AVPR1B: variants seen among roughly 807,000 people sequenced by gnomAD.
AVPR1B encodes vasopressin V1b receptor.
A neutral mutation model predicts 27.5 loss-of-function variants in AVPR1B; 25 were observed. The ratio of observed to expected loss-of-function variants is 0.91; its 90% CI spans 0.66 to 1.27. The LOEUF (loss-of-function observed/expected upper bound fraction) is 1.27, where lower values mean the gene tolerates loss of function less well. Among genes scored for constraint, AVPR1B ranks in the 50% most tolerant of loss-of-function variants. The pLI, the probability that AVPR1B is intolerant of heterozygous loss-of-function variation, is 0.00. For missense variants in AVPR1B, 595 were observed against 556.9 expected, an observed-to-expected ratio of 1.07 and a Z score of -0.69; for synonymous variants, 248 against 240.2, an observed-to-expected ratio of 1.03 and a Z score of -0.30.
chr1:206,111,020 A>G (rs889991406), intron 1 of AVPR1B, among the ~76,000 whole-genome samples: 4 of 152,138 alleles, frequency 2.6e-5, no homozygotes, highest in African/African-American at 9.7e-5. Context: ...GTCTCCTTCT[A>G]TCCCTCAGGG....
At chr1:206,110,962 T>G (rs1405994944) in intron 1 of AVPR1B, among the ~76,000 whole-genome samples, 2 of 152,140 alleles carry the variant, frequency 1.3e-5, no homozygotes, top group Non-Finnish European at 2.9e-5. Flanking sequence ...CCCATCTCCA[T>G]CCCCACTTAC....
At position 206,116,820 on chromosome 1, in the gene AVPR1B, G is replaced by A. The variant is rs782234550; in HGVS notation, c.71C>T (p.Thr24Ile). ...RGTLSAPNAT[T>I]PWLGRDEELA... ...CTCCTCATCCCGGCCCAGCCAGGGT[G>A]TTGTGGCATTGGGGGCAGAGAGGGT... The change falls in exon 1 of 2, where the codon ACA (threonine) becomes ATA (isoleucine). Residue 24 changes from threonine (T) to isoleucine (I), a missense_variant. By Grantham distance (89) the Thr-to-Ile change is moderately conservative. Coordinates refer to ENST00000367126, the MANE Select transcript of AVPR1B (RefSeq NM_000707.5). 6.2e-7 allele frequency: 1 copy of A among 1,614,082 alleles called. No homozygotes were observed.
chr1:206,111,165 C>T (rs782367484), intron 1 of AVPR1B, among the ~76,000 whole-genome samples: 1 of 152,196 alleles, frequency 6.6e-6, no homozygotes, highest in Admixed American at 6.5e-5. Context: ...TTGCCCCCTA[C>T]AGCCAAGGGG....
chr1:206,110,429 C>T lies in AVPR1B; in HGVS notation c.1035G>A (p.Leu345=), dbSNP rs1553289651. 6.2e-7 allele frequency: 1 copy of T among 1,613,956 alleles called. No individual in the cohort carries two copies. The highest frequency in any genetic ancestry group is 2.2e-5 in the East Asian group (1 of 44,876). ...CAAGGTGACGCAGGGGCCGCGGTAACAGGTGGCTGTTGAAGCCCATGTAGA... is the reference window on the plus strand; with the variant it reads ...CAAGGTGACGCAGGGGCCGCGGTAATAGGTGGCTGTTGAAGCCCATGTAGA... ...PWIYMGFNSH[L]LPRPLRHLAC... Residue 345 remains leucine, a synonymous_variant, in exon 2 of 2, where the codon CTG becomes CTA. Coordinates refer to ENST00000367126, the MANE Select transcript of AVPR1B (RefSeq NM_000707.5).
At position 206,117,074 on chromosome 1, in the gene AVPR1B, T is replaced by C. The variant is rs1285969188; in HGVS notation, c.-184A>G. ...CTGGGATAGAGAGGAGGAGGGAGGA[T>C]GAGATTCGGAAGGAGAAAATGTGAC... is the stretch of plus-strand genomic sequence containing the variant. On this transcript the variant is annotated 5_prime_UTR_variant, in exon 1 of 2. Coordinates refer to ENST00000367126, the MANE Select transcript of AVPR1B (RefSeq NM_000707.5). 1.5e-6 allele frequency: 1 copy of C among 659,604 alleles called. No homozygotes were observed. The highest frequency in any genetic ancestry group is 2.7e-6 in the Non-Finnish European group (1 of 374,954). 40.9% of individuals were successfully genotyped at this position (659,604 alleles called of 1,614,324 possible).
At position 206,110,421 on chromosome 1, in the gene AVPR1B, C is replaced by T. The variant is rs149082642; in HGVS notation, c.1043G>A (p.Arg348Gln). The change falls in exon 2 of 2, where the codon CGG becomes CAG. Residue 348 changes from arginine to glutamine, a missense_variant. Transcript: ENST00000367126. ...YMGFNSHLLP[R>Q]PLRHLACCGG... Reference sequence around the variant, plus strand: ...ACAGCAGGCAAGGTGACGCAGGGGCCGCGGTAACAGGTGGCTGTTGAAGCC... The same window carrying T: ...ACAGCAGGCAAGGTGACGCAGGGGCTGCGGTAACAGGTGGCTGTTGAAGCC... 95 of 1,613,742 alleles carry T rather than the reference C, an allele frequency of 5.9e-5. No individual in the cohort carries two copies. The highest frequency in any genetic ancestry group is 7.8e-5 in the Non-Finnish European group (92 of 1,179,912).
rs1200213737 is a variant in AVPR1B at position 206,110,450 on chromosome 1, G to C, written c.1014C>G (p.Tyr338Ter). 2.1e-5 allele frequency: 34 copies of C among 1,613,968 alleles called. No individual in the cohort carries two copies. The highest frequency in any genetic ancestry group is 2.7e-5 in the African/African-American group (2 of 74,940). The change falls in exon 2 of 2, where the codon TAC (tyrosine) becomes TAG (stop). Residue 338 changes from tyrosine to a stop codon, truncating the protein, a stop_gained. Coordinates refer to ENST00000367126, the MANE Select transcript of AVPR1B (RefSeq NM_000707.5). LOFTEE classifies it high-confidence loss of function. ...GTAACAGGTGGCTGTTGAAGCCCATGTAGATCCAGGGGTTGCAGCAGCTGT... is the reference window on the plus strand; with the variant it reads ...GTAACAGGTGGCTGTTGAAGCCCATCTAGATCCAGGGGTTGCAGCAGCTGT... The part of the protein sequence containing the change: ...NLNSCCNPWI[Y>*]MGFNSHLLPR...
Position 206,110,490 on chromosome 1 carries a change from A to G in AVPR1B, c.974T>C (p.Leu325Pro), listed in dbSNP as rs1553289684. The change falls in exon 2 of 2, where the codon CTT becomes CCT. Residue 325 changes from leucine to proline, a missense_variant. Physicochemically the swap from Leu to Pro is moderately conservative, Grantham distance 98 (BLOSUM62 -3). Coordinates refer to ENST00000367126, the MANE Select transcript of AVPR1B (RefSeq NM_000707.5). ...STNVAFTISM[L>P]LGNLNSCCNP... The stretch of plus-strand genomic sequence containing the variant: ...GCAGCAGCTGTTGAGGTTGCCCAAA[A>G]GCATAGAGATGGTGAAAGCCACATT... 1 of 1,612,682 alleles carries G rather than the reference A, an allele frequency of 6.2e-7. No individual in the cohort carries two copies. The highest frequency in any genetic ancestry group is 2.2e-5 in the East Asian group (1 of 44,836).
At chr1:206,114,231 A>T (rs1553290206) in intron 1 of AVPR1B, among the ~76,000 whole-genome samples, 2 of 152,162 alleles carry the variant, frequency 1.3e-5, no homozygotes, top group Admixed American at 1.3e-4. Context: ...CACTGGTGGG[A>T]ATTGGTGGCC....
rs371386365 is a variant in AVPR1B, at chr1:206,116,302, G to C, written c.589C>G (p.Arg197Gly). The change falls in exon 1 of 2, where the codon CGG (arginine) becomes GGG (glycine). Residue 197 changes from arginine (R) to glycine (G), a missense_variant. Coordinates refer to ENST00000367126, the MANE Select transcript of AVPR1B (RefSeq NM_000707.5). Reference sequence around the variant, plus strand: ...AGGGTGGTCCAGGTGAGGTAGGCCCGTGGCCCCCAAGGGAAGCCGAAGTCT... The same window carrying C: ...AGGGTGGTCCAGGTGAGGTAGGCCCCTGGCCCCCAAGGGAAGCCGAAGTCT... Reference protein sequence around the residue: ...WADFGFPWGPRAYLTWTTLAI... With the variant: ...WADFGFPWGPGAYLTWTTLAI... 6 of 1,613,430 alleles carry C rather than the reference G, an allele frequency of 3.7e-6. No homozygotes were observed. The highest frequency in any genetic ancestry group is 5.1e-6 in the Non-Finnish European group (6 of 1,180,034).
rs1663330573 is a variant in AVPR1B, at chr1:206,109,310, GC to G, written c.*878del. 1.3e-5 allele frequency among the ~76,000 whole-genome samples: 2 copies of G among 152,008 alleles called. No individual in the cohort carries two copies. The highest frequency in any genetic ancestry group is 4.2e-4 in the South Asian group (2 of 4,794). ...TCTCAAAGGAGGTCTCCTCTGTGTA[GC>G]CCCCGGGGAAAGAGCAGGCTGGATT... On this transcript the variant is annotated 3_prime_UTR_variant, in exon 2 of 2. Transcript: ENST00000367126.
intron 1 of AVPR1B, among the ~76,000 whole-genome samples, chr1:206,114,799 C>A (rs938925157): frequency 3.3e-5 from 5 of 152,126 alleles, no homozygotes; most frequent in Non-Finnish European, 7.4e-5. Context: ...AGCTGTGAGG[C>A]CTGGGGCAAG....
chr1:206,116,211 C>T lies in AVPR1B; in HGVS notation c.680G>A (p.Cys227Tyr), dbSNP rs782143105. 4 of 1,493,864 alleles carry T rather than the reference C, an allele frequency of 2.7e-6. No homozygotes were observed. Among genetic ancestry groups the T allele is most frequent in the Non-Finnish European group, 3.6e-6 (4 of 1,104,698 alleles). 92.5% of individuals were successfully genotyped at this position (1,493,864 alleles called of 1,614,324 possible). ...ACYSLICHEI[C>Y]KNLKVKTQAW... is the part of the protein sequence containing the mutation. ...CTGTGTCTTGACTTTTAGGTTTTTA[C>T]AGATCTCATGGCAGATGAGGCTGTA... Residue 227 changes from cysteine (C) to tyrosine (Y), a missense_variant, in exon 1 of 2, where the codon TGT (cysteine) becomes TAT (tyrosine). By Grantham distance (194) the Cys-to-Tyr change is radical (BLOSUM62 -2). Coordinates refer to ENST00000367126, the MANE Select transcript of AVPR1B (RefSeq NM_000707.5).
chr1:206,108,380 C>G lies in AVPR1B; in HGVS notation c.*1809G>C, dbSNP rs185605905. Reference sequence around the variant, plus strand: ...AGGACTGGGACGCTTTGCTCACTCACAACATTCAGCAAGGCTCTTTTCTTT... The same window carrying G: ...AGGACTGGGACGCTTTGCTCACTCAGAACATTCAGCAAGGCTCTTTTCTTT... On this transcript the variant is annotated 3_prime_UTR_variant, in exon 2 of 2. Transcript: ENST00000367126. Among the ~76,000 whole-genome samples, 8 of 152,338 alleles carry G rather than the reference C, an allele frequency of 5.3e-5. No homozygotes were observed. In the East Asian group the frequency reaches 1.5e-3, roughly 29 times the overall value.
chr1:206,110,666 G>A (rs1407111687), intron 1 of AVPR1B, 143 bp from the exon 2 acceptor site: 1 of 699,740 alleles, frequency 1.4e-6, no homozygotes, highest in Non-Finnish European at 2.3e-6. Context: ...TATAATTAGA[G>A]AGACACACAC....
rs1444338863 is a variant in AVPR1B at position 206,110,436 on chromosome 1, C to G, written c.1028G>C (p.Ser343Thr). ...ACGCAGGGGCCGCGGTAACAGGTGG[C>G]TGTTGAAGCCCATGTAGATCCAGGG... ...CNPWIYMGFN[S>T]HLLPRPLRHL... The change falls in exon 2 of 2, where the codon AGC becomes ACC. Residue 343 changes from serine (S) to threonine (T), a missense_variant. Physicochemically the swap from Ser to Thr is moderately conservative, Grantham distance 58. Coordinates refer to ENST00000367126, the MANE Select transcript of AVPR1B (RefSeq NM_000707.5). 14 of 1,613,846 alleles carry G rather than the reference C, an allele frequency of 8.7e-6. No homozygotes were observed. The highest frequency in any genetic ancestry group is 1.3e-5 in the African/African-American group (1 of 74,924).
rs894708295 is a variant in AVPR1B, at chr1:206,109,217, C to T, written c.*972G>A. ...CGGGCTCCTAACTGGATCACAGCATCCATATGGTTCATGGTGGAAGCTCTG... is the reference window on the plus strand; with the variant it reads ...CGGGCTCCTAACTGGATCACAGCATTCATATGGTTCATGGTGGAAGCTCTG... On this transcript the variant is annotated 3_prime_UTR_variant, in exon 2 of 2. Coordinates refer to ENST00000367126, the MANE Select transcript of AVPR1B (RefSeq NM_000707.5). Among the ~76,000 whole-genome samples, 10 of 152,112 alleles carry T rather than the reference C, an allele frequency of 6.6e-5. No individual in the cohort carries two copies. The highest frequency in any genetic ancestry group is 2.1e-4 in the South Asian group (1 of 4,820).
chr1:206,107,810 T>G lies in AVPR1B; in HGVS notation c.*2379A>C, dbSNP rs1663304257. 6.6e-6 allele frequency among the ~76,000 whole-genome samples: 1 copy of G among 152,240 alleles called. No individual in the cohort carries two copies. The highest frequency in any genetic ancestry group is 1.5e-5 in the Non-Finnish European group (1 of 68,046). ...AGGACCCTGGAGGTCATCTACCAGA[T>G]GCAATCTGGAGCCAGGCCATTGTTC... On this transcript the variant is annotated 3_prime_UTR_variant, in exon 2 of 2. Transcript: ENST00000367126.
chr1:206,110,195 G>T lies in AVPR1B; in HGVS notation c.1269C>A (p.Ile423=), dbSNP rs1553289537. 6.2e-7 allele frequency: 1 copy of T among 1,604,208 alleles called. No individual in the cohort carries two copies. The highest frequency in any genetic ancestry group is 2.2e-5 in the East Asian group (1 of 44,628). Reference sequence around the variant, plus strand: ...AGACCCCAGCGAGTCTTTCCTAAAAGATGATGGTCTCAGCGGTGCCTTCCC... The same window carrying T: ...AGACCCCAGCGAGTCTTTCCTAAAATATGATGGTCTCAGCGGTGCCTTCCC... The part of the protein sequence containing the change: ...ADGEGTAETI[I]F Residue 423 remains isoleucine (I), a synonymous_variant, in exon 2 of 2, where the codon ATC becomes ATA. Transcript: ENST00000367126.
Sources: allele counts gnomAD v4.1 joint callset (sites outside exome capture counted in the v4.1 genomes callset), GRCh38; gene constraint gnomAD v4.1.1; transcripts MANE v1.5; gene names NCBI Gene and HGNC (gene_info 2026-07-23, HGNC 2026-07-21).